CUX1: variants seen among roughly 807,000 people sequenced by gnomAD.
CUX1 encodes the protein protein CASP.
A neutral mutation model predicts 158.8 loss-of-function variants in CUX1; 31 were observed. That is an observed-to-expected ratio of 0.20 (90% CI 0.15 to 0.26). CUX1 has a LOEUF of 0.26. CUX1 is among the 10% of genes least tolerant of loss of function. CUX1 has a pLI of 1.00. For missense variants in CUX1, 1,589 were observed against 2,014.6 expected (o/e 0.79, Z 4.04); for synonymous variants, 879 against 862.1 (o/e 1.02, Z -0.34).
At chr7:101,828,656 G>A (rs77527106) in intron 1 of CUX1, among the ~76,000 whole-genome samples, 2,197 of 152,184 alleles carry the variant, frequency 0.014, 53 homozygotes, top group African/African-American at 0.05. Flanking sequence ...GCAAAGGCAC[G>A]CCCCGCTCCA....
chr7:101,981,196 T>G (rs1813394458), intron 2 of CUX1, among the ~76,000 whole-genome samples: 1 of 150,588 alleles, frequency 6.6e-6, no homozygotes, highest in Non-Finnish European at 1.5e-5. Flanking sequence ...CCCGGCCCCC[T>G]CCTCCCCCAA....
intron 1 of CUX1, among the ~76,000 whole-genome samples, chr7:101,852,771 G>T (rs1326821783): frequency 2.0e-5 from 3 of 149,696 alleles, no homozygotes; most frequent in Non-Finnish European, 4.4e-5. Context: ...CCACCTCCTG[G>T]GTTCAAGCAT....
At chr7:102,167,534 C>T (rs1791185965) in intron 9 of CUX1, among the ~76,000 whole-genome samples, 1 of 152,142 alleles carries the variant, frequency 6.6e-6, no homozygotes, top group African/African-American at 2.4e-5. Flanking sequence ...TCCTTGGCTG[C>T]CACCAGAACA....
chr7:101,993,675 G>C (rs997998387), intron 2 of CUX1, among the ~76,000 whole-genome samples: 4 of 152,214 alleles, frequency 2.6e-5, no homozygotes, highest in African/African-American at 9.6e-5. Flanking sequence ...GGCCCCCACG[G>C]GTTTCTTAGC....
chr7:101,910,763 T>G (rs934303463), intron 1 of CUX1, among the ~76,000 whole-genome samples: 7 of 148,856 alleles, frequency 4.7e-5, no homozygotes, highest in Non-Finnish European at 1.0e-4. Context: ...AAAAAAAAGA[T>G]GGGCAAATCC....
intron 2 of CUX1, among the ~76,000 whole-genome samples, chr7:102,001,778 C>T (rs1214539116): frequency 6.6e-6 from 1 of 152,216 alleles, no homozygotes. Context: ...TAAGCGTGTG[C>T]TGAGCAAAAC....
At chr7:101,983,370 C>G (rs1293159492) in intron 2 of CUX1, among the ~76,000 whole-genome samples, 1 of 152,182 alleles carries the variant, frequency 6.6e-6, no homozygotes, top group Non-Finnish European at 1.5e-5. Flanking sequence ...TAACACCCCT[C>G]CCATCCTCCC....
chr7:102,108,736 TTGTGTG>T (rs10527026), intron 6 of CUX1, among the ~76,000 whole-genome samples: 49 of 145,056 alleles, frequency 3.4e-4, no homozygotes, highest in East Asian at 4.0e-4. Flanking sequence ...TTCATTCATT[TTGTGTG>T]TGTGTGTGTG....
intron 1 of CUX1, among the ~76,000 whole-genome samples, chr7:101,833,859 A>C (rs1016341203): frequency 2.0e-5 from 3 of 152,078 alleles, no homozygotes; most frequent in Admixed American, 6.6e-5. Flanking sequence ...TCTTCACTGC[A>C]ATTTTCCCCC....
rs374339832 is a variant in CUX1 at position 102,257,898 on chromosome 7, C to CTT, written c.*8871_*8872dup. The CTT allele has an allele frequency of 1.4e-3, 1,250 of 887,516 alleles. 7 individuals carry two copies. Among genetic ancestry groups the CTT allele is most frequent in the African/African-American group, 0.012 (566 of 48,828 alleles). 55.0% of individuals were successfully genotyped at this position (887,516 alleles called of 1,614,324 possible). ...GAAAAAAGGAAAAAAAAAAAGTCGT[C>CTT]TTTTTTTTTTTTTTTTGTACAAATC... On this transcript the variant is annotated 3_prime_UTR_variant, in exon 24 of 24. Coordinates refer to ENST00000292535, the MANE Select transcript of CUX1 (RefSeq NM_181552.4).
chr7:102,029,216 C>T (rs1315638249), intron 3 of CUX1, among the ~76,000 whole-genome samples: 2 of 152,108 alleles, frequency 1.3e-5, no homozygotes, highest in East Asian at 1.9e-4. Flanking sequence ...TGGTCTCGAT[C>T]TCCTGACCTC....
At chr7:101,917,406 A>G (rs964772990) in intron 2 of CUX1, among the ~76,000 whole-genome samples, 9 of 152,198 alleles carry the variant, frequency 5.9e-5, no homozygotes, top group African/African-American at 1.9e-4. Flanking sequence ...TTGGCCACAG[A>G]GCCAGCTAAG....
chr7:102,203,625 A>C (rs1795671387), intron 18 of CUX1, among the ~76,000 whole-genome samples: 1 of 152,158 alleles, frequency 6.6e-6, no homozygotes, highest in Non-Finnish European at 1.5e-5. Flanking sequence ...ATAACATTGA[A>C]CTTGTTTGGC....
intron 2 of CUX1, chr7:101,932,374 G>A (rs764590793): frequency 1.6e-4 from 53 of 337,020 alleles, no homozygotes; most frequent in African/African-American, 2.6e-4. Context: ...GCATGCAAGC[G>A]TGTGTGTTCA....
chr7:102,206,621 G>T (rs1411143138), intron 20 of CUX1, among the ~76,000 whole-genome samples: 1 of 152,200 alleles, frequency 6.6e-6, no homozygotes, highest in Non-Finnish European at 1.5e-5. Context: ...GTTAGACCAG[G>T]TGCGGTGGCT....
At chr7:101,921,774 A>T (rs1022665507) in intron 2 of CUX1, among the ~76,000 whole-genome samples, 1 of 150,084 alleles carries the variant, frequency 6.7e-6, no homozygotes, top group African/African-American at 2.4e-5. Flanking sequence ...GGGCAACTTT[A>T]AAAAAAAAAT....
intron 3 of CUX1, among the ~76,000 whole-genome samples, chr7:102,039,842 G>T (rs1821867840): frequency 6.6e-6 from 1 of 152,064 alleles, no homozygotes; most frequent in African/African-American, 2.4e-5. Context: ...TGCATCGTTG[G>T]AAGGAGTGGA....
intron 3 of CUX1, among the ~76,000 whole-genome samples, chr7:102,036,761 CA>C (rs35844490): frequency 9.3e-4 from 108 of 115,906 alleles, no homozygotes; most frequent in African/African-American, 1.7e-3. Flanking sequence ...AGCAAACAAA[CA>C]AAAAAAAAAA....
At chr7:102,106,085 T>C (rs1317789357) in intron 6 of CUX1, among the ~76,000 whole-genome samples, 22 of 122,646 alleles carry the variant, frequency 1.8e-4, no homozygotes, top group Non-Finnish European at 1.2e-4. Context: ...TTTTCTTTTT[T>C]TTTTTTTTTT....
Sources: gnomAD v4.1 joint callset for allele counts (sites outside exome capture counted in the v4.1 genomes callset) on GRCh38, gnomAD v4.1.1 for gene constraint, MANE v1.5 for transcripts, NCBI Gene and HGNC (gene_info 2026-07-23, HGNC 2026-07-21) for gene names.